Variants in CSNK2A2IP observed in about 807,000 individuals in gnomAD.
The protein encoded by CSNK2A2IP is casein kinase 2 subunit alpha' interacting protein.
the CSNK2A2IP span, among the ~76,000 whole-genome samples, chr3:88,389,795 T>C: frequency 1.3e-5 from 2 of 150,880 alleles, no homozygotes; most frequent in South Asian, 4.2e-4. Flanking sequence ...GAGTGCATGG[T>C]GGTGGAAGTA....
the CSNK2A2IP span, among the ~76,000 whole-genome samples, chr3:88,442,278 G>C: frequency 2.6e-5 from 4 of 152,220 alleles, no homozygotes; most frequent in African/African-American, 9.6e-5. Flanking sequence ...GGCCTCAAGT[G>C]ATGCTCCTGC....
chr3:88,441,350 T>C, the CSNK2A2IP span, among the ~76,000 whole-genome samples: 4 of 152,158 alleles, frequency 2.6e-5, no homozygotes, highest in Non-Finnish European at 5.9e-5. Context: ...GAAAGTTTTA[T>C]TACTGTGGGA....
chr3:88,433,290 T>A, the CSNK2A2IP span, among the ~76,000 whole-genome samples: 1 of 152,118 alleles, frequency 6.6e-6, no homozygotes, highest in African/African-American at 2.4e-5. Context: ...TATTTAGTTG[T>A]ATGGTTTTCT....
chr3:88,465,324 A>G, the CSNK2A2IP span: 1 of 1,211,750 alleles, frequency 8.3e-7, no homozygotes, highest in Non-Finnish European at 1.0e-6. Context: ...CCACAAGCCA[A>G]CTGCTTTTAA....
the CSNK2A2IP span, among the ~76,000 whole-genome samples, chr3:88,412,381 C>T: frequency 1.6e-3 from 241 of 152,056 alleles, 1 homozygote; most frequent in Non-Finnish European, 2.7e-3. Context: ...TTCTTCTGGA[C>T]CTTTATTTCT....
chr3:88,394,095 G>A, the CSNK2A2IP span, among the ~76,000 whole-genome samples: 1 of 152,130 alleles, frequency 6.6e-6, no homozygotes. Context: ...AAAGTTAGAA[G>A]GTGTAGAGAG....
the CSNK2A2IP span, among the ~76,000 whole-genome samples, chr3:88,376,759 T>C: frequency 6.6e-6 from 1 of 151,798 alleles, no homozygotes; most frequent in African/African-American, 2.4e-5. Context: ...GACCTTTATG[T>C]TAAGCTCAAG....
the CSNK2A2IP span, among the ~76,000 whole-genome samples, chr3:88,353,181 C>A: frequency 1.3e-5 from 2 of 152,142 alleles, no homozygotes; most frequent in African/African-American, 2.4e-5. Context: ...AGTCTTTCAG[C>A]CCCACATATC....
chr3:88,357,813 G>A, the CSNK2A2IP span, among the ~76,000 whole-genome samples: 2 of 151,544 alleles, frequency 1.3e-5, no homozygotes, highest in African/African-American at 2.4e-5. Flanking sequence ...GGAGTGCAGT[G>A]GCATGATCTT....
chr3:88,441,812 A>G, the CSNK2A2IP span, among the ~76,000 whole-genome samples: 1 of 152,162 alleles, frequency 6.6e-6, no homozygotes, highest in Non-Finnish European at 1.5e-5. Flanking sequence ...GCATTCTTTA[A>G]GAAACTAATC....
chr3:88,355,829 T>C, the CSNK2A2IP span, among the ~76,000 whole-genome samples: 5 of 152,124 alleles, frequency 3.3e-5, no homozygotes, highest in East Asian at 7.7e-4. Flanking sequence ...GTCTGTTTGC[T>C]CTTGAAAAAT....
chr3:88,401,000 T>G, the CSNK2A2IP span, among the ~76,000 whole-genome samples: 2 of 152,062 alleles, frequency 1.3e-5, no homozygotes, highest in Non-Finnish European at 1.5e-5. Context: ...GAAGATGAAT[T>G]AGTATAAATA....
chr3:88,353,976 A>C, the CSNK2A2IP span, among the ~76,000 whole-genome samples: 1 of 152,126 alleles, frequency 6.6e-6, no homozygotes, highest in Non-Finnish European at 1.5e-5. Context: ...AGGTTGTTGC[A>C]GTCCTTGTAG....
chr3:88,352,714 G>C, the CSNK2A2IP span, among the ~76,000 whole-genome samples: 1 of 152,010 alleles, frequency 6.6e-6, no homozygotes, highest in African/African-American at 2.4e-5. Flanking sequence ...GAGTAGCCCG[G>C]ACCACAGGCT....
At chr3:88,406,643 A>G in the CSNK2A2IP span, among the ~76,000 whole-genome samples, 1 of 152,230 alleles carries the variant, frequency 6.6e-6, no homozygotes, top group Non-Finnish European at 1.5e-5. Flanking sequence ...TGGACTTCAT[A>G]TTAAAATACC....
At chr3:88,348,055 C>T in the CSNK2A2IP span, among the ~76,000 whole-genome samples, 2 of 151,968 alleles carry the variant, frequency 1.3e-5, no homozygotes, top group African/African-American at 4.8e-5. Flanking sequence ...TATCTAATTA[C>T]AGGTTTTATA....
chr3:88,458,870 G>A, the CSNK2A2IP span, among the ~76,000 whole-genome samples: 1 of 152,056 alleles, frequency 6.6e-6, no homozygotes, highest in Admixed American at 6.6e-5. Context: ...CGCATTATTT[G>A]AACTCACTTA....
At chr3:88,359,263 G>T in the CSNK2A2IP span, among the ~76,000 whole-genome samples, 7 of 151,090 alleles carry the variant, frequency 4.6e-5, no homozygotes, top group African/African-American at 1.5e-4. Flanking sequence ...TTCTTTATTT[G>T]GTTCTTTTTT....
At chr3:88,406,641 A>G in the CSNK2A2IP span, among the ~76,000 whole-genome samples, 1 of 152,230 alleles carries the variant, frequency 6.6e-6, no homozygotes, top group Non-Finnish European at 1.5e-5. Flanking sequence ...ATTGGACTTC[A>G]TATTAAAATA....
Sources: allele counts gnomAD v4.1 joint callset (sites outside exome capture counted in the v4.1 genomes callset), GRCh38; gene constraint gnomAD v4.1.1; transcripts MANE v1.5; gene names NCBI Gene and HGNC (gene_info 2026-07-23, HGNC 2026-07-21).